The following IL15 variants were observed in gnomAD, a reference collection of about 807,000 sequenced individuals.
The protein encoded by IL15 is interleukin 15, also known as interleukin-15.
In IL15, 11 loss-of-function variants were observed where a neutral mutation model predicts 19.6. That is an observed-to-expected ratio of 0.56 (90% confidence interval 0.35 to 0.93). IL15 has a LOEUF of 0.93. IL15 is among the 40% of genes least tolerant of loss of function. The pLI is 0.01. For synonymous variants in IL15, 58 were observed against 59.6 expected (o/e 0.97, Z 0.12); for missense variants, 197 against 186.5 (o/e 1.06, Z -0.33).
chr4:141,714,105 C>T (rs1334100510), intron 2 of IL15, among the ~76,000 whole-genome samples: 1 of 152,098 alleles, frequency 6.6e-6, no homozygotes, highest in African/African-American at 2.4e-5. Context: ...TCCCCATCCT[C>T]CTCCTGTCCC....
At position 141,706,093 on chromosome 4, in the gene IL15, A is replaced by T. The variant is rs1729504940; in HGVS notation, c.-99-13273A>T. Among the ~76,000 whole-genome samples, 3 of 151,982 alleles carry T rather than the reference A, an allele frequency of 2.0e-5. 1 individual carries two copies. The South Asian group carries it at 6.2e-4, about 32-fold the overall frequency. On this transcript the variant is annotated intron_variant, in intron 2 of 7. Transcript: ENST00000320650. ...TAGATAATAACTTACTCCTAACATTAAAAAAATTACTTTCTGGTTATGGTT... is the reference window on the plus strand; with the variant it reads ...TAGATAATAACTTACTCCTAACATTTAAAAAATTACTTTCTGGTTATGGTT...
At chr4:141,675,845 A>G (rs1208180513) in intron 2 of IL15, among the ~76,000 whole-genome samples, 1 of 152,240 alleles carries the variant, frequency 6.6e-6, no homozygotes, top group African/African-American at 2.4e-5. Flanking sequence ...TGTATCTCAT[A>G]TCGAAAATGT....
chr4:141,709,046 AT>A (rs1729620369), intron 2 of IL15, among the ~76,000 whole-genome samples: 2 of 119,216 alleles, frequency 1.7e-5, no homozygotes, highest in South Asian at 5.4e-4. Flanking sequence ...ATTATTCAAT[AT>A]TGAAAATTTT....
intron 7 of IL15, 71 bp from the exon 8 acceptor site, chr4:141,732,667 T>G: frequency 1.3e-6 from 2 of 1,570,250 alleles, no homozygotes; most frequent in East Asian, 4.6e-5. Flanking sequence ...CGATATGATA[T>G]TCCCATTCCC....
At chr4:141,710,779 G>A (rs1045435020) in intron 2 of IL15, among the ~76,000 whole-genome samples, 7 of 151,258 alleles carry the variant, frequency 4.6e-5, no homozygotes, top group Non-Finnish European at 1.0e-4. Flanking sequence ...AATTATACAT[G>A]TCTGGCTTGG....
At chr4:141,726,532 T>C (rs996895754) in intron 5 of IL15, among the ~76,000 whole-genome samples, 1 of 152,160 alleles carries the variant, frequency 6.6e-6, no homozygotes, top group African/African-American at 2.4e-5. Flanking sequence ...TATAAAATAG[T>C]TTGGCAGCAT....
At chr4:141,697,980 A>G (rs903718083) in intron 2 of IL15, among the ~76,000 whole-genome samples, 1 of 152,048 alleles carries the variant, frequency 6.6e-6, no homozygotes, top group Non-Finnish European at 1.5e-5. Context: ...GGTTTGTCAT[A>G]TATAGCTTTT....
chr4:141,666,787 A>T (rs1482603383), intron 2 of IL15, among the ~76,000 whole-genome samples: 1 of 152,018 alleles, frequency 6.6e-6, no homozygotes, highest in Non-Finnish European at 1.5e-5. Context: ...AAGTCATAAG[A>T]TCCCCATTTC....
intron 2 of IL15, among the ~76,000 whole-genome samples, chr4:141,664,662 A>T (rs899658832): frequency 6.6e-6 from 1 of 152,214 alleles, no homozygotes; most frequent in African/African-American, 2.4e-5. Flanking sequence ...TATTTAAGAA[A>T]TGAGAGAATA....
intron 2 of IL15, among the ~76,000 whole-genome samples, chr4:141,683,287 T>A (rs1027857995): frequency 7.6e-6 from 1 of 131,684 alleles, no homozygotes; most frequent in Non-Finnish European, 1.6e-5. Flanking sequence ...CAAAAAACAA[T>A]AGGCTGGGCG....
chr4:141,714,576 G>T (rs1729813016), intron 2 of IL15: 1 of 152,196 alleles, frequency 6.6e-6, no homozygotes, highest in African/African-American at 2.4e-5. Context: ...AAGTGCTATT[G>T]TCAGAGTCAT....
At chr4:141,721,401 G>A (rs916425050) in intron 4 of IL15, 2 of 629,078 alleles carry the variant, frequency 3.2e-6, no homozygotes, top group African/African-American at 3.6e-5. Context: ...AGTCTGTACT[G>A]TTTATGGAGA....
At chr4:141,715,902 GT>G in intron 2 of IL15, 1 of 152,246 alleles carries the variant, frequency 6.6e-6, no homozygotes, top group South Asian at 2.1e-4. Context: ...AATGTAAGAT[GT>G]TTACAGTTAT....
At chr4:141,729,129 G>A (rs1007265470) in intron 6 of IL15, among the ~76,000 whole-genome samples, 3 of 152,164 alleles carry the variant, frequency 2.0e-5, no homozygotes, top group East Asian at 3.9e-4. Flanking sequence ...TGGGCACATG[G>A]GTGTATTCCT....
chr4:141,680,464 A>C (rs1728497704), intron 2 of IL15, among the ~76,000 whole-genome samples: 4 of 152,158 alleles, frequency 2.6e-5, no homozygotes, highest in Admixed American at 2.6e-4. Context: ...ACTTGATGGA[A>C]AGCCCTGTTG....
At chr4:141,688,619 T>G (rs141498154) in intron 2 of IL15, among the ~76,000 whole-genome samples, 58 of 152,182 alleles carry the variant, frequency 3.8e-4, no homozygotes, top group African/African-American at 1.3e-3. Context: ...TCTCTTTATA[T>G]GCTCTTTTGG....
rs1730491684 is a variant in IL15 at position 141,732,759 on chromosome 4, A to C, written c.400A>C (p.Lys134Gln). 5.6e-6 allele frequency: 9 copies of C among 1,612,130 alleles called. No individual in the cohort carries two copies. The highest frequency in any genetic ancestry group is 7.6e-6 in the Non-Finnish European group (9 of 1,179,396). ...GCAGAATGTAACAGAATCTGGATGC[A>C]AAGAATGTGAGGAACTGGAGGAAAA... is the stretch of plus-strand genomic sequence containing the variant. ...SNGNVTESGC[K>Q]ECEELEEKNI... is the part of the protein sequence containing the mutation. Residue 134 changes from lysine to glutamine, a missense_variant, in exon 8 of 8, where the codon AAA becomes CAA. By Grantham distance (53) the Lys-to-Gln change is moderately conservative. Coordinates refer to ENST00000320650, the MANE Select transcript of IL15 (RefSeq NM_000585.5).
chr4:141,684,286 T>C (rs1332662119), intron 2 of IL15, among the ~76,000 whole-genome samples: 1 of 152,220 alleles, frequency 6.6e-6, no homozygotes, highest in Non-Finnish European at 1.5e-5. Context: ...AGAAGGGCTA[T>C]TTATCAGATT....
rs545116689 is a variant in IL15 at position 141,663,825 on chromosome 4, G to A, written c.-100+7518G>A. 7.2e-4 allele frequency among the ~76,000 whole-genome samples: 109 copies of A among 152,264 alleles called. No individual in the cohort carries two copies. The Middle Eastern group carries it at 0.01, about 14-fold the overall frequency. On this transcript the variant is annotated intron_variant, in intron 2 of 7. Transcript: ENST00000320650. Reference sequence around the variant, plus strand: ...TTGAGGAAGAGGGCTTCTAGTTTCCGCAGCTCTCCTTGGGGAAGAATGAGG... The same window carrying A: ...TTGAGGAAGAGGGCTTCTAGTTTCCACAGCTCTCCTTGGGGAAGAATGAGG...
Sources: gnomAD v4.1 joint callset for allele counts (sites outside exome capture counted in the v4.1 genomes callset) on GRCh38, gnomAD v4.1.1 for gene constraint, MANE v1.5 for transcripts, NCBI Gene and HGNC (gene_info 2026-07-23, HGNC 2026-07-21) for gene names.